STIM1: variants seen among roughly 807,000 people sequenced by gnomAD.
STIM1 encodes the protein stromal interaction molecule 1.
A neutral mutation model predicts 74.7 loss-of-function variants in STIM1; 25 were observed. That is an observed-to-expected ratio of 0.33 (90% CI 0.24 to 0.47). The LOEUF is 0.47. Among genes scored for constraint, STIM1 ranks in the 20% least tolerant of loss-of-function variants. The probability of loss-of-function intolerance (pLI) is 1.00; values close to 1 mark genes in which losing one functional copy is unlikely to be tolerated. For missense variants in STIM1, 728 were observed against 920.8 expected (o/e 0.79, Z 2.71); for synonymous variants, 328 against 348.8 (o/e 0.94, Z 0.66).
intron 1 of STIM1, among the ~76,000 whole-genome samples, chr11:3,909,235 CAG>C (rs1272767283): frequency 1.3e-5 from 2 of 152,112 alleles, no homozygotes; most frequent in African/African-American, 2.4e-5. Flanking sequence ...GTGATGTCTC[CAG>C]GGTAAAATGA....
intron 2 of STIM1, among the ~76,000 whole-genome samples, chr11:4,000,361 A>G (rs2093703402): frequency 6.6e-6 from 1 of 151,876 alleles, no homozygotes; most frequent in South Asian, 2.1e-4. Context: ...GACAACTCAC[A>G]TGGCCAGGTA....
intron 1 of STIM1, among the ~76,000 whole-genome samples, chr11:3,904,196 CAAAAAAAAAAA>C (rs57908154): frequency 1.4e-5 from 1 of 73,876 alleles, no homozygotes; most frequent in Non-Finnish European, 2.4e-5. Context: ...GACTCTGTCT[CAAAAAAAAAAA>C]AAAAAAAAAA....
chr11:4,038,469 A>C (rs1329570826), intron 3 of STIM1, among the ~76,000 whole-genome samples: 1 of 152,012 alleles, frequency 6.6e-6, no homozygotes, highest in Non-Finnish European at 1.5e-5. Context: ...CCCTCTCTCA[A>C]GCTTAGATTT....
chr11:3,933,248 A>G lies in STIM1; in HGVS notation c.140-34304A>G, dbSNP rs138488794. On this transcript the variant is annotated intron_variant, in intron 1 of 12. Coordinates refer to ENST00000526596, the MANE Select transcript of STIM1 (RefSeq NM_001382567.1). ...TTGTGAATGGGACCACGTTTCCCCA[A>G]TTGTGCAACAGTGCAACATTGTGGC... Among the ~76,000 whole-genome samples the G allele has an allele frequency of 1.2e-3, 183 of 152,312 alleles. 1 individual carries two copies. Among genetic ancestry groups the G allele is most frequent in the African/African-American group, 4.2e-3 (175 of 41,562 alleles).
At chr11:4,081,404 G>C (rs1431684548) in intron 7 of STIM1, among the ~76,000 whole-genome samples, 2 of 152,154 alleles carry the variant, frequency 1.3e-5, no homozygotes, top group African/African-American at 4.8e-5. Flanking sequence ...GCTTCTGTTG[G>C]CAATGCCTGT....
At chr11:4,008,556 GATAATTATTT>G (rs1565146595) in intron 2 of STIM1, among the ~76,000 whole-genome samples, 1 of 152,150 alleles carries the variant, frequency 6.6e-6, no homozygotes, top group African/African-American at 2.4e-5. Flanking sequence ...AAACAAGTAA[GATAATTATTT>G]ATAATTATTT....
At chr11:4,023,232 G>T (rs1285008284) in intron 2 of STIM1, among the ~76,000 whole-genome samples, 1 of 152,120 alleles carries the variant, frequency 6.6e-6, no homozygotes, top group Non-Finnish European at 1.5e-5. Flanking sequence ...AGGAGGCTGA[G>T]ACAAGAGAAT....
chr11:4,009,866 A>G (rs2093818932), intron 2 of STIM1, among the ~76,000 whole-genome samples: 3 of 152,098 alleles, frequency 2.0e-5, no homozygotes. Flanking sequence ...AGGCTGGAGT[A>G]CAGTGGTACG....
At chr11:4,086,230 T>C in intron 11 of STIM1, 1 of 567,572 alleles carries the variant, frequency 1.8e-6, no homozygotes, top group South Asian at 2.0e-5. Flanking sequence ...CTTCCCTTTA[T>C]AGTGATATTG....
At chr11:3,883,031 T>C (rs1291206220) in intron 1 of STIM1, among the ~76,000 whole-genome samples, 1 of 152,190 alleles carries the variant, frequency 6.6e-6, no homozygotes, top group African/African-American at 2.4e-5. Context: ...TTTTTTGTTA[T>C]TGTAAGAGTT....
At chr11:4,085,724 C>A (rs2094489954) in intron 11 of STIM1, among the ~76,000 whole-genome samples, 1 of 152,132 alleles carries the variant, frequency 6.6e-6, no homozygotes, top group East Asian at 1.9e-4. Flanking sequence ...CTCAGAAGAA[C>A]CCTGCAGGAT....
At position 4,044,018 on chromosome 11, in the gene STIM1, A is replaced by C. The variant is rs557196796; in HGVS notation, c.386-11508A>C. On this transcript the variant is annotated intron_variant, in intron 3 of 12. Transcript: ENST00000526596. ...GACATAGTAGACTCCGCCTCAAAAAAAAAGAAAAAAAAGATAGGAGTTAAG... is the reference window on the plus strand; with the variant it reads ...GACATAGTAGACTCCGCCTCAAAAACAAAGAAAAAAAAGATAGGAGTTAAG... Among the ~76,000 whole-genome samples the C allele has an allele frequency of 2.0e-5, 3 of 152,284 alleles. No homozygotes were observed. In the East Asian group the frequency reaches 5.8e-4, roughly 29 times the overall value.
At chr11:3,943,228 T>C (rs1347050004) in intron 1 of STIM1, among the ~76,000 whole-genome samples, 2 of 152,188 alleles carry the variant, frequency 1.3e-5, no homozygotes, top group Non-Finnish European at 2.9e-5. Context: ...TTAGTCAACT[T>C]GCTTCCACAG....
Position 3,895,680 on chromosome 11 carries a change from TTCC to T in STIM1, c.139+39273_139+39275del, listed in dbSNP as rs1373510058. On this transcript the variant is annotated intron_variant, in intron 1 of 12. Coordinates refer to ENST00000526596, the MANE Select transcript of STIM1 (RefSeq NM_001382567.1). ...TTTCTTTCTTTCTTTCTTTCCTTCCTTCCTTCTTTCTTTCTTTCTTTCTTTCTT... is the reference window on the plus strand; with the variant it reads ...TTTCTTTCTTTCTTTCTTTCCTTCCTTTCTTTCTTTCTTTCTTTCTTTCTT... Among the ~76,000 whole-genome samples, 149 of 31,476 alleles carry T rather than the reference TTCC, an allele frequency of 4.7e-3. 13 individuals carry two copies. Among genetic ancestry groups the T allele is most frequent in the Middle Eastern group, 0.026 (3 of 114 alleles). The allele number at this position is 31,476 out of a possible 152,430, so 20.6% of individuals were successfully genotyped here. A position where few individuals can be genotyped will look rare whatever the true frequency, so the allele number is the denominator to read the frequency against.
At chr11:3,946,036 C>T (rs2093068492) in intron 1 of STIM1, among the ~76,000 whole-genome samples, 1 of 152,136 alleles carries the variant, frequency 6.6e-6, no homozygotes, top group Non-Finnish European at 1.5e-5. Flanking sequence ...CCATGACCCA[C>T]ACACCTCCCA....
intron 1 of STIM1, among the ~76,000 whole-genome samples, chr11:3,918,011 G>A (rs904908068): frequency 6.6e-5 from 10 of 152,288 alleles, no homozygotes; most frequent in Non-Finnish European, 1.5e-4. Flanking sequence ...AACCAAGAGA[G>A]GGACTTTATT....
intron 7 of STIM1, among the ~76,000 whole-genome samples, chr11:4,078,726 A>G (rs1055995442): frequency 6.6e-6 from 1 of 151,890 alleles, no homozygotes; most frequent in Admixed American, 6.6e-5. Context: ...GCCTGCCACC[A>G]CACCTGGCTA....
intron 2 of STIM1, among the ~76,000 whole-genome samples, chr11:3,994,309 G>A (rs1010812731): frequency 7.2e-5 from 11 of 152,024 alleles, no homozygotes; most frequent in African/African-American, 2.2e-4. Flanking sequence ...TTGACTTTTA[G>A]CGTTTTACTT....
chr11:4,024,766 TAA>T (rs2093985342), intron 3 of STIM1, among the ~76,000 whole-genome samples: 1 of 152,224 alleles, frequency 6.6e-6, no homozygotes, highest in Non-Finnish European at 1.5e-5. Flanking sequence ...CAGATTTCTG[TAA>T]AACTGCTAAA....
Sources: gnomAD v4.1 joint callset for allele counts (sites outside exome capture counted in the v4.1 genomes callset) on GRCh38, gnomAD v4.1.1 for gene constraint, MANE v1.5 for transcripts, NCBI Gene and HGNC (gene_info 2026-07-23, HGNC 2026-07-21) for gene names.